LSAMP: variants seen among roughly 807,000 people sequenced by gnomAD.
The protein encoded by LSAMP is limbic system-associated membrane protein.
Under a neutral mutation model 38.6 loss-of-function variants are expected in LSAMP, and 7 were observed. The observed-to-expected ratio is 0.18, with a 90% CI of 0.10 to 0.34. The LOEUF (loss-of-function observed/expected upper bound fraction) is 0.34. Among genes scored for constraint, LSAMP ranks in the 10% least tolerant of loss-of-function variants. The pLI is 1.00. For missense variants in LSAMP, 313 were observed against 420.0 expected, an observed-to-expected ratio of 0.75 and a Z score of 2.23; for synonymous variants, 154 against 166.8, an observed-to-expected ratio of 0.92 and a Z score of 0.59.
At chr3:115,947,220 T>C (rs1300540429) in intron 3 of LSAMP, among the ~76,000 whole-genome samples, 3 of 152,302 alleles carry the variant, frequency 2.0e-5, no homozygotes, top group Non-Finnish European at 4.4e-5. Flanking sequence ...TTGAAAGTTT[T>C]CCCTTAGAAA....
At chr3:115,905,442 T>C (rs1346001877) in intron 3 of LSAMP, among the ~76,000 whole-genome samples, 1 of 152,096 alleles carries the variant, frequency 6.6e-6, no homozygotes, top group African/African-American at 2.4e-5. Context: ...CATTTCACAA[T>C]AGAGAACTAT....
intron 1 of LSAMP, among the ~76,000 whole-genome samples, chr3:116,360,285 A>G (rs1463572993): frequency 1.1e-5 from 1 of 92,066 alleles, no homozygotes; most frequent in Admixed American, 1.1e-4. Flanking sequence ...CCACCCGAAT[A>G]TTGCGCTTTT....
intron 6 of LSAMP, among the ~76,000 whole-genome samples, chr3:115,818,795 T>TAC (rs1345336533): frequency 0.069 from 2,988 of 43,030 alleles, 250 homozygotes; most frequent in African/African-American, 0.086. Context: ...TACTTTTATA[T>TAC]ATATATATAT....
At chr3:116,000,627 A>G (rs1034698172) in intron 3 of LSAMP, among the ~76,000 whole-genome samples, 6 of 152,274 alleles carry the variant, frequency 3.9e-5, no homozygotes, top group South Asian at 2.1e-4. Context: ...GTTCTGTTCT[A>G]TGAATTATAA....
chr3:116,055,524 C>T (rs551636690), intron 2 of LSAMP, among the ~76,000 whole-genome samples: 8 of 152,242 alleles, frequency 5.3e-5, no homozygotes, highest in Non-Finnish European at 8.8e-5. Context: ...GGTCCCCCTG[C>T]CCAGCCTTTG....
At chr3:116,288,251 T>C (rs1332869655) in intron 1 of LSAMP, among the ~76,000 whole-genome samples, 1 of 152,188 alleles carries the variant, frequency 6.6e-6, no homozygotes, top group Non-Finnish European at 1.5e-5. Context: ...TTGAGCACCA[T>C]CCCTGTCTTT....
intron 3 of LSAMP, among the ~76,000 whole-genome samples, chr3:115,994,481 C>T (rs920086812): frequency 1.3e-5 from 2 of 152,012 alleles, no homozygotes; most frequent in African/African-American, 4.8e-5. Context: ...TCTTTGTGAT[C>T]CTTTCATGAA....
chr3:116,031,523 T>G (rs1007340494), intron 2 of LSAMP, among the ~76,000 whole-genome samples: 2 of 137,924 alleles, frequency 1.5e-5, no homozygotes, highest in South Asian at 5.2e-4. Context: ...CATGCCTACA[T>G]AACTAGCCTA....
At chr3:116,157,051 C>T (rs1445376059) in intron 1 of LSAMP, among the ~76,000 whole-genome samples, 1 of 151,932 alleles carries the variant, frequency 6.6e-6, no homozygotes, top group Non-Finnish European at 1.5e-5. Context: ...CAATCTTAGC[C>T]CAGATTAGTG....
chr3:116,265,891 C>A (rs2046885269), intron 1 of LSAMP, among the ~76,000 whole-genome samples: 1 of 152,074 alleles, frequency 6.6e-6, no homozygotes, highest in Non-Finnish European at 1.5e-5. Flanking sequence ...GGCAGAGTAA[C>A]AAAAGACATT....
chr3:116,179,261 C>A (rs1710428003), intron 1 of LSAMP, among the ~76,000 whole-genome samples: 1 of 152,106 alleles, frequency 6.6e-6, no homozygotes, highest in Non-Finnish European at 1.5e-5. Context: ...CATCTGTGGT[C>A]ACTTCCTCAA....
intron 1 of LSAMP, among the ~76,000 whole-genome samples, chr3:116,096,581 T>G (rs1216581166): frequency 6.6e-6 from 1 of 152,224 alleles, no homozygotes; most frequent in African/African-American, 2.4e-5. Context: ...GGAACACTTT[T>G]AAAGGATTTT....
At chr3:116,109,629 A>C (rs1708552353) in intron 1 of LSAMP, among the ~76,000 whole-genome samples, 1 of 152,134 alleles carries the variant, frequency 6.6e-6, no homozygotes, top group Admixed American at 6.5e-5. Context: ...GCTATTTGGA[A>C]CTACTGTCTA....
rs539589028 is a variant in LSAMP at position 116,073,472 on chromosome 3, A to G, written c.388+12852T>C. 2.0e-3 allele frequency among the ~76,000 whole-genome samples: 305 copies of G among 152,276 alleles called. 1 individual carries two copies. Among genetic ancestry groups the G allele is most frequent in the South Asian group, 7.1e-3 (34 of 4,820 alleles). On this transcript the variant is annotated intron_variant, in intron 2 of 6. Transcript: ENST00000490035. ...TGTGAAGAATGTCAATGATAGTTTA[A>G]CGGGAATAGCATTTAATCTATAAAT... is the stretch of plus-strand genomic sequence containing the variant.
intron 1 of LSAMP, among the ~76,000 whole-genome samples, chr3:116,151,869 T>C (rs897437531): frequency 1.3e-5 from 2 of 152,072 alleles, no homozygotes; most frequent in African/African-American, 4.8e-5. Flanking sequence ...TAGGCACATG[T>C]TTCTTTTTAA....
At chr3:115,954,177 G>A (rs1006350223) in intron 3 of LSAMP, among the ~76,000 whole-genome samples, 8 of 152,068 alleles carry the variant, frequency 5.3e-5, no homozygotes, top group African/African-American at 1.7e-4. Context: ...TATATTTTCT[G>A]GGTCTGCTTA....
intron 1 of LSAMP, among the ~76,000 whole-genome samples, chr3:116,227,445 G>A (rs1024924605): frequency 3.3e-5 from 5 of 152,100 alleles, no homozygotes; most frequent in Admixed American, 6.6e-5. Flanking sequence ...TATAAACTTA[G>A]CACAATACCA....
chr3:115,934,941 A>G (rs1443826448), intron 3 of LSAMP, among the ~76,000 whole-genome samples: 3 of 152,180 alleles, frequency 2.0e-5, no homozygotes, highest in Non-Finnish European at 4.4e-5. Flanking sequence ...GTAAGATTAG[A>G]ATACTGGTCA....
intron 1 of LSAMP, among the ~76,000 whole-genome samples, chr3:116,262,897 T>C (rs538367839): frequency 6.6e-6 from 1 of 152,316 alleles, no homozygotes; most frequent in East Asian, 1.9e-4. Flanking sequence ...ATGTGGCAGG[T>C]GAAGGGATTG....
Sources: allele counts gnomAD v4.1 joint callset (sites outside exome capture counted in the v4.1 genomes callset), GRCh38; gene constraint gnomAD v4.1.1; transcripts MANE v1.5; gene names NCBI Gene and HGNC (gene_info 2026-07-23, HGNC 2026-07-21).